The following PCID2 variants were observed in gnomAD, a reference collection of about 807,000 sequenced individuals.
PCID2 encodes PCI domain containing 2, also known as PCI domain-containing protein 2.
PCID2 carries 41 observed loss-of-function variants against 61.3 expected under a neutral mutation model. The observed-to-expected ratio is 0.67, with a 90% CI of 0.52 to 0.87. The LOEUF (loss-of-function observed/expected upper bound fraction) is 0.87, where lower values mean the gene tolerates loss of function less well. Ranked by LOEUF, PCID2 falls within the 40% of genes least tolerant of loss-of-function variation. The pLI, the probability that PCID2 is intolerant of heterozygous loss-of-function variation, is 0.00. For synonymous variants in PCID2, 187 were observed against 177.8 expected (o/e 1.05, Z -0.41); for missense variants, 392 against 493.4 (o/e 0.79, Z 1.95).
the PCID2 span, chr13:113,172,491 C>T: frequency 1.9e-5 from 6 of 312,062 alleles, no homozygotes; most frequent in African/African-American, 6.5e-5. Context: ...GGTGCAGAAG[C>T]GACAACAATC....
the PCID2 span, among the ~76,000 whole-genome samples, chr13:113,169,022 C>T: frequency 6.6e-6 from 1 of 152,216 alleles, no homozygotes. Context: ...AGCCACCATG[C>T]CTGGCCCATT....
Position 113,190,989 on chromosome 13 carries a change from A to T in PCID2, c.364-14T>A. ...CTGTTGATCTGCCTAATAAAATATA[A>T]GAACTTTTATTTCATTTTTCCGAAG... On this transcript the variant is annotated splice_polypyrimidine_tract_variant and intron_variant, in intron 6 of 13. Coordinates refer to ENST00000337344, the MANE Select transcript of PCID2 (RefSeq NM_001127202.4). The T allele has an allele frequency of 1.9e-6, 3 of 1,580,394 alleles. No homozygotes were observed. The South Asian group carries it at 3.3e-5, about 18-fold the overall frequency.
chr13:113,208,446 T>C, intron 1 of PCID2, 153 bp downstream of exon 1: 1 of 1,519,860 alleles, frequency 6.6e-7, no homozygotes, highest in Admixed American at 2.0e-5. Context: ...CGGCCGCCGC[T>C]GTTCGGCTCG....
intron 9 of PCID2, among the ~76,000 whole-genome samples, chr13:113,183,513 A>G (rs1284969038): frequency 1.3e-5 from 2 of 152,244 alleles, no homozygotes; most frequent in African/African-American, 4.8e-5. Context: ...TGGTCAGTCC[A>G]TACAAGCCCA....
intron 6 of PCID2, among the ~76,000 whole-genome samples, chr13:113,193,569 T>C (rs979910646): frequency 1.3e-5 from 2 of 152,236 alleles, no homozygotes; most frequent in African/African-American, 4.8e-5. Context: ...TTATTTTTTA[T>C]TTAAAAAGTC....
At chr13:113,175,968 A>C (rs1001970387), downstream of PCID2, among the ~76,000 whole-genome samples, 42 of 152,350 alleles carry the variant, frequency 2.8e-4, no homozygotes, top group African/African-American at 9.1e-4. Context: ...CACGGGAATG[A>C]GTCACCTTCA....
At chr13:113,177,475 G>GA (rs1233392872), downstream of PCID2, 1 of 152,220 alleles carries the variant, frequency 6.6e-6, no homozygotes, top group Non-Finnish European at 1.5e-5. Context: ...CTTTGTGTTT[G>GA]ATTTTGCCTA....
the PCID2 span, among the ~76,000 whole-genome samples, chr13:113,168,370 C>T: frequency 1.3e-5 from 2 of 152,134 alleles, no homozygotes; most frequent in African/African-American, 2.4e-5. Flanking sequence ...AGCCTTCTTG[C>T]GTTTGTCTGG....
At chr13:113,200,406 G>A in intron 2 of PCID2, 21 bp downstream of exon 2, 2 of 1,457,902 alleles carry the variant, frequency 1.4e-6, no homozygotes, top group Non-Finnish European at 1.9e-6. Flanking sequence ...AGACACCTGT[G>A]TGCACAGCTC....
chr13:113,187,930 G>A (rs967748215), intron 7 of PCID2: 5 of 152,190 alleles, frequency 3.3e-5, no homozygotes, highest in African/African-American at 1.2e-4. Flanking sequence ...GAAGATCACT[G>A]CTGTGCAAAA....
chr13:113,184,546 CAA>C, intron 8 of PCID2, 59 bp from the exon 9 acceptor site: 1 of 943,798 alleles, frequency 1.1e-6, no homozygotes, highest in South Asian at 1.4e-5. Flanking sequence ...GGTGGCAAAA[CAA>C]ATTACTAAGC....
chr13:113,192,210 C>T (rs2038675950), intron 6 of PCID2, among the ~76,000 whole-genome samples: 1 of 152,208 alleles, frequency 6.6e-6, no homozygotes, highest in African/African-American at 2.4e-5. Flanking sequence ...GCTATGACTG[C>T]ACCATTGCAC....
intron 2 of PCID2, among the ~76,000 whole-genome samples, chr13:113,198,599 G>C (rs1049163881): frequency 3.3e-5 from 5 of 152,166 alleles, no homozygotes; most frequent in African/African-American, 1.2e-4. Context: ...CAGCTACTCA[G>C]GAGGCTGAGG....
At chr13:113,165,843 TTC>T in the PCID2 span, among the ~76,000 whole-genome samples, 5 of 152,330 alleles carry the variant, frequency 3.3e-5, no homozygotes, top group Admixed American at 6.5e-5. Flanking sequence ...ATCATTCACT[TTC>T]TGTTTACTTA....
At chr13:113,205,788 T>C (rs770208308) in intron 1 of PCID2, among the ~76,000 whole-genome samples, 11 of 152,174 alleles carry the variant, frequency 7.2e-5, no homozygotes, top group Non-Finnish European at 1.0e-4. Flanking sequence ...GAGAGCACAT[T>C]AGCGGTTGAC....
rs971246860 is a variant in PCID2 at position 113,179,699 on chromosome 13, TC to T, written c.986+217del. Among the ~76,000 whole-genome samples the T allele has an allele frequency of 6.6e-6, 1 of 152,018 alleles. No individual in the cohort carries two copies. The highest frequency in any genetic ancestry group is 1.5e-5 in the Non-Finnish European group (1 of 68,008). ...TCTTCTCACATAGAACCTGCTTACC[TC>T]CCCCACAAGTCCAGGCACAGCTTGT... On this transcript the variant is annotated intron_variant, in intron 12 of 13. Transcript: ENST00000337344. This position sits in a 1 kb window ranked among gnomAD's most constrained non-coding sequence, Gnocchi z 4.3.
At chr13:113,180,314 T>C in intron 10 of PCID2, 83 bp from the exon 11 acceptor site, 2 of 1,117,056 alleles carry the variant, frequency 1.8e-6, no homozygotes, top group Non-Finnish European at 2.7e-6. Context: ...AGGAATTAAG[T>C]TTTAAGAAAA....
downstream of PCID2, among the ~76,000 whole-genome samples, chr13:113,174,471 G>C (rs1214679839): frequency 6.6e-6 from 1 of 152,134 alleles, no homozygotes; most frequent in African/African-American, 2.4e-5. Flanking sequence ...TAAAACTCAA[G>C]AAAAGGGAAG....
Position 113,179,043 on chromosome 13 carries a change from C to A in PCID2, c.1033G>T (p.Val345Phe), listed in dbSNP as rs969886061. ...TCCACCTGCATGAACTTCAAGGCAA[C>A]CAGAAAAGCATCCAGAGACAGCTGG... ...THQLSLDAFL[V>F]ALKFMQVEDV... The change falls in exon 13 of 14, where the codon GTT (valine) becomes TTT (phenylalanine). Residue 345 changes from valine (V) to phenylalanine (F), a missense_variant. By Grantham distance (50) the Val-to-Phe change is conservative. Transcript: ENST00000337344. This position sits in a 1 kb window ranked among gnomAD's most constrained non-coding sequence, Gnocchi z 4.3. 1.2e-6 allele frequency: 2 copies of A among 1,613,650 alleles called. No homozygotes were observed. The highest frequency in any genetic ancestry group is 1.7e-6 in the Non-Finnish European group (2 of 1,179,774).
Sources: gnomAD v4.1 joint callset for allele counts (sites outside exome capture counted in the v4.1 genomes callset) on GRCh38, gnomAD v4.1.1 for gene constraint, Gnocchi (gnomAD v3.1) non-coding constraint, MANE v1.5 for transcripts, NCBI Gene and HGNC (gene_info 2026-07-23, HGNC 2026-07-21) for gene names.